The following TDRD6 variants were observed in gnomAD, a reference collection of about 807,000 sequenced individuals.
TDRD6 encodes tudor domain-containing protein 6.
TDRD6 carries 186 observed loss-of-function variants against 157.5 expected under a neutral mutation model. The ratio of observed to expected loss-of-function variants is 1.18; its 90% CI spans 1.05 to 1.33. The LOEUF (loss-of-function observed/expected upper bound fraction) is 1.33, where lower values mean the gene tolerates loss of function less well. TDRD6 is among the 40% of genes most tolerant of loss of function. The pLI is 0.00. For missense variants in TDRD6, 3,066 were observed against 2,508.0 expected (o/e 1.22, Z -4.75); for synonymous variants, 1,075 against 945.2 (o/e 1.14, Z -2.52).
In TDRD6 at chr6:46,692,734, T is replaced by A. The variant is rs1261941245; in HGVS notation, c.4606T>A (p.Cys1536Ser). The A allele has an allele frequency of 6.2e-7, 1 of 1,614,112 alleles. No individual in the cohort carries two copies. Among genetic ancestry groups the A allele is most frequent in the Non-Finnish European group, 8.5e-7 (1 of 1,180,008 alleles). ...GATAGATGGACCTGAGTACTTTTGG[T>A]GTCAGTTTGCTGATACGGAGAAACT... is the stretch of plus-strand genomic sequence containing the variant. The part of the protein sequence containing the change: ...TVIDGPEYFW[C>S]QFADTEKLQC... Residue 1536 changes from cysteine (C) to serine (S), a missense_variant, in exon 1 of 4, where the codon TGT (cysteine) becomes AGT (serine). Cys to Ser is a moderately radical substitution (Grantham distance 112, BLOSUM62 -1). Transcript: ENST00000316081.
chr6:46,696,018 A>AC, intron 2 of TDRD6, 73 bp downstream of exon 2: 1 of 1,515,882 alleles, frequency 6.6e-7, no homozygotes, highest in South Asian at 1.3e-5. Flanking sequence ...AGACTCTGTC[A>AC]GACTAGAGAA....
chr6:46,691,986 C>CA lies in TDRD6; in HGVS notation c.3861dup (p.Asp1288ArgfsTer8), dbSNP rs752465306. On this transcript the variant is annotated frameshift_variant, in exon 1 of 4. Coordinates refer to ENST00000316081, the MANE Select transcript of TDRD6 (RefSeq NM_001010870.3). LOFTEE classifies it high-confidence loss of function. The stretch of plus-strand genomic sequence containing the variant: ...AGAGAAAAATAGGAGATTCATGTGA[C>CA]AAAGATTTGCCTCTGAAATTTTGTG... 1 of 1,613,768 alleles carries CA rather than the reference C, an allele frequency of 6.2e-7. No homozygotes were observed. The highest frequency in any genetic ancestry group is 1.3e-5 in the African/African-American group (1 of 74,892).
Position 46,702,912 on chromosome 6 carries a change from A to T in TDRD6, c.*1025A>T, listed in dbSNP as rs1764658114. ...AAACCTTTCTTGCAGTGTTTTTTTA[A>T]GATGAGAAATAATTGATATAAAGTC... On this transcript the variant is annotated 3_prime_UTR_variant, in exon 4 of 4. Coordinates refer to ENST00000316081, the MANE Select transcript of TDRD6 (RefSeq NM_001010870.3). 1 of 152,142 alleles carries T rather than the reference A, an allele frequency of 6.6e-6. No homozygotes were observed. The highest frequency in any genetic ancestry group is 2.1e-4 in the South Asian group (1 of 4,830). 9.4% of individuals were successfully genotyped at this position (152,142 alleles called of 1,614,324 possible). A position where few individuals can be genotyped will look rare whatever the true frequency, so the allele number is the denominator to read the frequency against.
chr6:46,690,150 G>C lies in TDRD6; in HGVS notation c.2022G>C (p.Lys674Asn). The change falls in exon 1 of 4, where the codon AAG becomes AAC. Residue 674 changes from lysine to asparagine, a missense_variant. Lys to Asn is a moderately conservative substitution (Grantham distance 94). Transcript: ENST00000316081. ...CCAAGTATCAGGAATTTGAAACAAAGGAAAATATCCTGGTAAATGCCCACT... is the reference window on the plus strand; with the variant it reads ...CCAAGTATCAGGAATTTGAAACAAACGAAAATATCCTGGTAAATGCCCACT... The part of the protein sequence containing the change: ...GYAKYQEFET[K>N]ENILVNAHSP... The C allele has an allele frequency of 2.5e-6, 4 of 1,613,252 alleles. No individual in the cohort carries two copies. The highest frequency in any genetic ancestry group is 3.4e-6 in the Non-Finnish European group (4 of 1,179,718).
chr6:46,696,468 A>G (rs946178453), intron 2 of TDRD6, among the ~76,000 whole-genome samples: 9 of 113,060 alleles, frequency 8.0e-5, no homozygotes, highest in South Asian at 3.9e-4. Context: ...ATATATGTAT[A>G]TGTGTGTATA....
chr6:46,682,634 C>A, the TDRD6 span, among the ~76,000 whole-genome samples: 1 of 151,658 alleles, frequency 6.6e-6, no homozygotes, highest in Non-Finnish European at 1.5e-5. Context: ...GAAGTCCTAG[C>A]AAATTCACAA....
In TDRD6 at chr6:46,689,483, CAG is replaced by C; in HGVS notation, c.1358_1359del (p.Glu453GlyfsTer14). 6.2e-7 allele frequency: 1 copy of C among 1,613,694 alleles called. No individual in the cohort carries two copies. The highest frequency in any genetic ancestry group is 8.5e-7 in the Non-Finnish European group (1 of 1,180,020). ...GACCGAGTCCTTCAGAGCCAGGCAA[CAG>C]AGGAGGAGGAACCAGAAACATCTCA... On this transcript the variant is annotated frameshift_variant, in exon 1 of 4. Transcript: ENST00000316081. LOFTEE classifies it high-confidence loss of function.
Position 46,691,034 on chromosome 6 carries a change from C to T in TDRD6, c.2906C>T (p.Ser969Phe). 1 of 1,613,660 alleles carries T rather than the reference C, an allele frequency of 6.2e-7. No individual in the cohort carries two copies. Among genetic ancestry groups the T allele is most frequent in the South Asian group, 1.1e-5 (1 of 91,002 alleles). Reference sequence around the variant, plus strand: ...AAACTTCAGAAGCCTTTGGAGTCCTCTGTTCAGCTACATTCCTACTTCTAT... The same window carrying T: ...AAACTTCAGAAGCCTTTGGAGTCCTTTGTTCAGCTACATTCCTACTTCTAT... Reference protein sequence around the residue: ...PVKLQKPLESSVQLHSYFYST... With the variant: ...PVKLQKPLESFVQLHSYFYST... Residue 969 changes from serine to phenylalanine, a missense_variant, in exon 1 of 4, where the codon TCT becomes TTT. Coordinates refer to ENST00000316081, the MANE Select transcript of TDRD6 (RefSeq NM_001010870.3).
upstream of TDRD6, among the ~76,000 whole-genome samples, chr6:46,685,003 T>C (rs1350516529): frequency 6.6e-6 from 1 of 150,600 alleles, no homozygotes; most frequent in Admixed American, 6.6e-5. Context: ...TGTGGTGATA[T>C]AACATTGTGG....
In TDRD6 at chr6:46,692,425, A is replaced by G. The variant is rs752746047; in HGVS notation, c.4297A>G (p.Lys1433Glu). Residue 1433 changes from lysine to glutamate, a missense_variant, in exon 1 of 4, where the codon AAA (lysine) becomes GAA (glutamate). Lys to Glu is a moderately conservative substitution (Grantham distance 56). Transcript: ENST00000316081. Reference protein sequence around the residue: ...FEVPDNKNSKKMMHYFSQRTS... With the variant: ...FEVPDNKNSKEMMHYFSQRTS... ...GGTTCCTGACAATAAAAATTCTAAG[A>G]AAATGATGCATTACTTTTCCCAACG... 2.7e-5 allele frequency: 44 copies of G among 1,614,056 alleles called. No homozygotes were observed. Among genetic ancestry groups the G allele is most frequent in the Non-Finnish European group, 3.6e-5 (42 of 1,180,028 alleles).
chr6:46,686,804 G>A (rs1764107740), upstream of TDRD6, among the ~76,000 whole-genome samples: 1 of 152,192 alleles, frequency 6.6e-6, no homozygotes, highest in African/African-American at 2.4e-5. Flanking sequence ...TCGGCTGGTG[G>A]GATGATAGAG....
In TDRD6 at chr6:46,692,602, A is replaced by G; in HGVS notation, c.4474A>G (p.Ile1492Val). The G allele has an allele frequency of 6.2e-7, 1 of 1,613,688 alleles. No homozygotes were observed. The highest frequency in any genetic ancestry group is 8.5e-7 in the Non-Finnish European group (1 of 1,179,828). ...KSQVELSTQVIKSASSKSVNK... is the reference protein window; with the variant it reads ...KSQVELSTQVVKSASSKSVNK... ...TCAAGTAGAACTTTCTACCCAAGTA[A>G]TTAAAAGTGCCAGTTCAAAGTCTGT... is the stretch of plus-strand genomic sequence containing the variant. Residue 1492 changes from isoleucine (I) to valine (V), a missense_variant, in exon 1 of 4, where the codon ATT becomes GTT. Coordinates refer to ENST00000316081, the MANE Select transcript of TDRD6 (RefSeq NM_001010870.3).
At position 46,693,584 on chromosome 6, in the gene TDRD6, T is replaced by A; in HGVS notation, c.5456T>A (p.Leu1819Ter). 1.2e-6 allele frequency: 2 copies of A among 1,614,200 alleles called. No individual in the cohort carries two copies. Among genetic ancestry groups the A allele is most frequent in the Non-Finnish European group, 1.7e-6 (2 of 1,180,034 alleles). ...DKYLITGFNT[L>*]LPHANETKEI... ...TACCTGATTACAGGATTTAACACATTACTACCACATGCTAATGAAACAAAG... is the reference window on the plus strand; with the variant it reads ...TACCTGATTACAGGATTTAACACATAACTACCACATGCTAATGAAACAAAG... The change falls in exon 1 of 4, where the codon TTA becomes TAA. Residue 1819 changes from leucine to a stop codon, truncating the protein, a stop_gained. Transcript: ENST00000316081. LOFTEE classifies it high-confidence loss of function.
rs1380113683 is a variant in TDRD6 at position 46,688,093 on chromosome 6, A to C, written c.-36A>C. The stretch of plus-strand genomic sequence containing the variant: ...TTCGAGGCCCTGAGGCGCGGCCCTT[A>C]ATTTCCGGAAGTGGGGGCCGCGCCG... On this transcript the variant is annotated 5_prime_UTR_variant, in exon 1 of 4. Coordinates refer to ENST00000316081, the MANE Select transcript of TDRD6 (RefSeq NM_001010870.3). 6.9e-7 allele frequency: 1 copy of C among 1,444,676 alleles called. No individual in the cohort carries two copies. Among genetic ancestry groups the C allele is most frequent in the African/African-American group, 1.5e-5 (1 of 66,460 alleles). 89.5% of individuals were successfully genotyped at this position (1,444,676 alleles called of 1,614,324 possible).
At chr6:46,696,363 C>T (rs1283392755) in intron 2 of TDRD6, among the ~76,000 whole-genome samples, 1 of 150,252 alleles carries the variant, frequency 6.7e-6, no homozygotes, top group Non-Finnish European at 1.5e-5. Flanking sequence ...AATTTGATTA[C>T]TTCATTATTG....
chr6:46,699,974 T>C (rs1764581267), intron 3 of TDRD6, among the ~76,000 whole-genome samples: 1 of 152,192 alleles, frequency 6.6e-6, no homozygotes, highest in South Asian at 2.1e-4. Flanking sequence ...TTTGAAATTT[T>C]TACTATAAAA....
rs947305618 is a variant in TDRD6, at chr6:46,691,894, G to T, written c.3766G>T (p.Glu1256Ter). Residue 1256 changes from glutamate to a stop codon, truncating the protein, a stop_gained, in exon 1 of 4, where the codon GAA (glutamate) becomes TAA (stop). Coordinates refer to ENST00000316081, the MANE Select transcript of TDRD6 (RefSeq NM_001010870.3). LOFTEE classifies it high-confidence loss of function. ...KNSQVFPLTT[E>*]KKEEISAETP... ...TAGTCAAGTGTTTCCATTAACAACA[G>T]AAAAGAAAGAAGAAATTTCTGCTGA... 1.3e-6 allele frequency: 2 copies of T among 1,594,468 alleles called. No homozygotes were observed. Among genetic ancestry groups the T allele is most frequent in the Admixed American group, 3.7e-5 (2 of 54,222 alleles).
rs562033860 is a variant in TDRD6, at chr6:46,690,641, T to C, written c.2513T>C (p.Ile838Thr). ...AACAGACAGTGGTCCAGAGCACTTA[T>C]TAGTGGGATACAGTCTGTGGAGCAT... The part of the protein sequence containing the change: ...TVNRQWSRAL[I>T]SGIQSVEHVN... The change falls in exon 1 of 4, where the codon ATT becomes ACT. Residue 838 changes from isoleucine (I) to threonine (T), a missense_variant. By Grantham distance (89) the Ile-to-Thr change is moderately conservative. Coordinates refer to ENST00000316081, the MANE Select transcript of TDRD6 (RefSeq NM_001010870.3). 6.2e-7 allele frequency: 1 copy of C among 1,614,074 alleles called. No homozygotes were observed. The highest frequency in any genetic ancestry group is 1.7e-5 in the Admixed American group (1 of 60,004).
intron 3 of TDRD6, among the ~76,000 whole-genome samples, chr6:46,698,314 G>A (rs1764545240): frequency 6.6e-6 from 1 of 151,952 alleles, no homozygotes. Flanking sequence ...AAATGTTTTG[G>A]TCTTCATGAC....
Sources: allele counts gnomAD v4.1 joint callset (sites outside exome capture counted in the v4.1 genomes callset), GRCh38; gene constraint gnomAD v4.1.1; transcripts MANE v1.5; gene names NCBI Gene and HGNC (gene_info 2026-07-23, HGNC 2026-07-21).